The following ITGA9 variants were observed in gnomAD, a reference collection of about 807,000 sequenced individuals.
ITGA9 encodes integrin subunit alpha 9.
ITGA9 carries 56 observed loss-of-function variants against 127.8 expected under a neutral mutation model. The observed-to-expected ratio is 0.44, with a 90% CI of 0.35 to 0.55. The LOEUF is 0.55. Among genes scored for constraint, ITGA9 ranks in the 20% least tolerant of loss-of-function variants. The pLI is 0.00. For missense variants in ITGA9, 1,196 were observed against 1,347.1 expected (o/e 0.89, Z 1.76); for synonymous variants, 508 against 514.5 (o/e 0.99, Z 0.17).
intron 15 of ITGA9, among the ~76,000 whole-genome samples, chr3:37,603,434 G>A (rs1699940004): frequency 6.6e-6 from 1 of 152,084 alleles, no homozygotes; most frequent in Admixed American, 6.5e-5. Flanking sequence ...TTTACATCAA[G>A]GACTTGTGTG....
chr3:37,528,006 C>T (rs1013360238), intron 13 of ITGA9, among the ~76,000 whole-genome samples: 3 of 152,140 alleles, frequency 2.0e-5, no homozygotes, highest in South Asian at 2.1e-4. Context: ...AGGCTGGTCT[C>T]GAACTCCTGA....
intron 15 of ITGA9, among the ~76,000 whole-genome samples, chr3:37,574,738 G>A (rs7623452): frequency 0.49 from 74,617 of 151,976 alleles, 19,068 homozygotes; most frequent in East Asian, 0.75. Flanking sequence ...GGTCACAGGC[G>A]CCACAGCTGT....
chr3:37,708,701 A>C (rs1037360792), intron 18 of ITGA9, among the ~76,000 whole-genome samples: 1 of 92 alleles, frequency 0.011, no homozygotes, highest in East Asian at 0.12. Flanking sequence ...TCCAGCCCCA[A>C]TGCCAACAGC....
chr3:37,684,583 C>T (rs1043172609), intron 18 of ITGA9, among the ~76,000 whole-genome samples: 1 of 152,218 alleles, frequency 6.6e-6, no homozygotes. Flanking sequence ...TCAAGTGATC[C>T]TCCCACCTCA....
intron 1 of ITGA9, among the ~76,000 whole-genome samples, chr3:37,460,996 C>G (rs1698310903): frequency 6.6e-6 from 1 of 152,070 alleles, no homozygotes; most frequent in African/African-American, 2.4e-5. Context: ...CTTTCCTACC[C>G]CTTCCTATCT....
At chr3:37,519,606 A>T (rs1328467188) in intron 11 of ITGA9, among the ~76,000 whole-genome samples, 2 of 152,266 alleles carry the variant, frequency 1.3e-5, no homozygotes, top group Admixed American at 1.3e-4. Context: ...ACTCTTACTC[A>T]GAGTTGGAGC....
chr3:37,731,952 A>G (rs1696297449), intron 18 of ITGA9, among the ~76,000 whole-genome samples: 1 of 152,060 alleles, frequency 6.6e-6, no homozygotes, highest in Non-Finnish European at 1.5e-5. Context: ...AAATTGGAGG[A>G]CCTCTGTACC....
chr3:37,698,161 TG>T (rs1257164600), intron 18 of ITGA9, among the ~76,000 whole-genome samples: 2 of 152,250 alleles, frequency 1.3e-5, no homozygotes, highest in Non-Finnish European at 2.9e-5. Context: ...TCATATCCTT[TG>T]CCCACTTTTG....
intron 23 of ITGA9, among the ~76,000 whole-genome samples, chr3:37,754,725 G>T (rs1696629394): frequency 6.6e-6 from 1 of 152,138 alleles, no homozygotes; most frequent in Non-Finnish European, 1.5e-5. Flanking sequence ...AATATTCCAA[G>T]TTGGTGCCAG....
intron 15 of ITGA9, chr3:37,585,746 C>T: frequency 2.1e-6 from 1 of 470,930 alleles, no homozygotes; most frequent in East Asian, 7.0e-5. Flanking sequence ...CACTAATATG[C>T]CTGACTCCAT....
chr3:37,557,367 A>T (rs2125597745), intron 15 of ITGA9, among the ~76,000 whole-genome samples: 1 of 152,304 alleles, frequency 6.6e-6, no homozygotes, highest in Non-Finnish European at 1.5e-5. Flanking sequence ...GATTGTAGTG[A>T]GTACGCTGTG....
chr3:37,581,060 T>C (rs561655577), intron 15 of ITGA9, among the ~76,000 whole-genome samples: 3 of 152,282 alleles, frequency 2.0e-5, no homozygotes, highest in South Asian at 2.1e-4. Flanking sequence ...CTGGGCTACA[T>C]AGGCTAAACT....
At chr3:37,497,415 G>A (rs1017276344) in intron 5 of ITGA9, among the ~76,000 whole-genome samples, 2 of 151,752 alleles carry the variant, frequency 1.3e-5, no homozygotes, top group African/African-American at 2.4e-5. Context: ...TGAACAGCTG[G>A]GCAGGAGAGT....
At chr3:37,548,947 G>A (rs1699353344) in intron 15 of ITGA9, among the ~76,000 whole-genome samples, 2 of 152,180 alleles carry the variant, frequency 1.3e-5, no homozygotes, top group African/African-American at 4.8e-5. Context: ...GGGAAGGTTG[G>A]GATGCATAGA....
intron 12 of ITGA9, among the ~76,000 whole-genome samples, 165 bp from the exon 13 acceptor site, chr3:37,525,837 TAGGGATTGGCTGCCACGTCAGAGA>T (rs1699087269): frequency 2.0e-5 from 3 of 152,194 alleles, no homozygotes; most frequent in Admixed American, 2.0e-4. Context: ...GTAGCCTGCG[TAGGGATTGGCTGCCACGTCAGAGA>T]GTGTGGCTTC....
At chr3:37,585,351 A>T (rs1365727151) in intron 15 of ITGA9, among the ~76,000 whole-genome samples, 1 of 152,160 alleles carries the variant, frequency 6.6e-6, no homozygotes, top group South Asian at 2.1e-4. Context: ...CTAAATGGTC[A>T]CTTCTCTTCT....
At chr3:37,736,462 C>G (rs1021969420) in intron 19 of ITGA9, among the ~76,000 whole-genome samples, 1 of 152,214 alleles carries the variant, frequency 6.6e-6, no homozygotes, top group Non-Finnish European at 1.5e-5. Flanking sequence ...CAACTACCTT[C>G]TCTTTTTGGC....
chr3:37,735,108 G>A (rs936786476), intron 19 of ITGA9, among the ~76,000 whole-genome samples: 1 of 152,244 alleles, frequency 6.6e-6, no homozygotes, highest in African/African-American at 2.4e-5. Context: ...GGATGGCCAT[G>A]TATTTCTCTC....
chr3:37,706,964 G>A lies in ITGA9; in HGVS notation c.2067+22949G>A, dbSNP rs1701012440. On this transcript the variant is annotated intron_variant, in intron 18 of 27. Transcript: ENST00000264741. ...GTAAAAGTTTGTGTTCTGGAGGGGT[G>A]GGGCTTCAATCTAGACCTTGCCTCT... Among the ~76,000 whole-genome samples the A allele has an allele frequency of 2.6e-5, 4 of 152,122 alleles. No homozygotes were observed. The South Asian group carries it at 8.3e-4, about 32-fold the overall frequency.
Sources: allele counts gnomAD v4.1 joint callset (sites outside exome capture counted in the v4.1 genomes callset), GRCh38; gene constraint gnomAD v4.1.1; transcripts MANE v1.5; gene names NCBI Gene and HGNC (gene_info 2026-07-23, HGNC 2026-07-21).